The following LEPR variants were observed in gnomAD, a reference collection of about 807,000 sequenced individuals.
LEPR encodes the protein OB receptor.
A neutral mutation model predicts 114.7 loss-of-function variants in LEPR; 56 were observed. The observed-to-expected ratio is 0.49, with a 90% CI of 0.39 to 0.61. The LOEUF (loss-of-function observed/expected upper bound fraction) is 0.61, where lower values mean the gene tolerates loss of function less well. LEPR is among the 20% of genes least tolerant of loss of function. The pLI is 0.00. For missense variants in LEPR, 1,202 were observed against 1,352.9 expected (o/e 0.89, Z 1.75); for synonymous variants, 443 against 461.4 (o/e 0.96, Z 0.51).
chr1:65,602,698 T>C (rs199810729), intron 10 of LEPR, among the ~76,000 whole-genome samples: 2 of 152,124 alleles, frequency 1.3e-5, no homozygotes, highest in East Asian at 1.9e-4. Context: ...TTTCAATTTG[T>C]ATAACATGCT....
At chr1:65,626,226 T>G (rs1658208525) in intron 19 of LEPR, 1 of 1,534,130 alleles carries the variant, frequency 6.5e-7, no homozygotes, top group Non-Finnish European at 8.8e-7. Context: ...CCCTGAGGTG[T>G]GCACAATGCT....
chr1:65,618,117 C>T lies in LEPR; in HGVS notation c.2366C>T (p.Ser789Phe), dbSNP rs771996587. Residue 789 changes from serine to phenylalanine, a missense_variant, in exon 16 of 20, where the codon TCT becomes TTT. Coordinates refer to ENST00000349533, the MANE Select transcript of LEPR (RefSeq NM_002303.6). ...EDGEIKWLRI[S>F]SSVKKYYIHD... ...GGTGAAATAAAATGGCTTAGAATCT[C>T]TTCATCTGTTAAGAAGTATTATATC... 1.9e-6 allele frequency: 3 copies of T among 1,609,538 alleles called. No individual in the cohort carries two copies. The highest frequency in any genetic ancestry group is 2.7e-5 in the African/African-American group (2 of 74,774).
chr1:65,433,251 T>G, intron 2 of LEPR: 1 of 985,256 alleles, frequency 1.0e-6, no homozygotes, highest in Non-Finnish European at 1.2e-6. Context: ...ATAGGAGCCA[T>G]GTAAGCACGC....
Position 65,601,475 on chromosome 1 carries a change from A to G in LEPR, c.1078A>G (p.Ile360Val). Residue 360 changes from isoleucine to valine, a missense_variant, in exon 9 of 20, where the codon ATT becomes GTT. By Grantham distance (29) the Ile-to-Val change is conservative. Transcript: ENST00000349533. ...FHCIYKKENK[I>V]VPSKEIVWWM... ...CTGCATCTATAAGAAGGAAAACAAG[A>G]TTGTTCCCTCAAAAGAGATTGTTTG... 3 of 1,613,756 alleles carry G rather than the reference A, an allele frequency of 1.9e-6. No homozygotes were observed. The highest frequency in any genetic ancestry group is 2.5e-6 in the Non-Finnish European group (3 of 1,179,712).
chr1:65,430,028 A>T, intron 2 of LEPR: 1 of 1,558,262 alleles, frequency 6.4e-7, no homozygotes, highest in Non-Finnish European at 8.8e-7. Flanking sequence ...ATTTCCTGTT[A>T]TTCTTGCTCG....
intron 6 of LEPR, 124 bp downstream of exon 6, chr1:65,592,989 TGTA>T (rs1655812206): frequency 6.6e-6 from 7 of 1,061,412 alleles, no homozygotes; most frequent in Non-Finnish European, 9.7e-6. Context: ...TGATGGTAGA[TGTA>T]GTACTGGGGG....
At chr1:65,628,445 G>A (rs905508855) in intron 19 of LEPR, among the ~76,000 whole-genome samples, 1 of 152,170 alleles carries the variant, frequency 6.6e-6, no homozygotes, top group African/African-American at 2.4e-5. Context: ...CAAGAATGCT[G>A]TAGCCTGTGT....
intron 2 of LEPR, among the ~76,000 whole-genome samples, chr1:65,520,648 A>G (rs1159845861): frequency 2.7e-5 from 4 of 146,998 alleles, no homozygotes; most frequent in Non-Finnish European, 1.5e-5. Flanking sequence ...ACACAGAAAT[A>G]TTGCATGTGG....
At position 65,572,448 on chromosome 1, in the gene LEPR, C is replaced by T. The variant is rs1483417812; in HGVS notation, c.493C>T (p.Leu165=). ...YNYKVHLLYV[L]PEVLEDSPLV... is the part of the protein sequence containing the mutation. Reference sequence around the variant, plus strand: ...CTATAAGGTCCATCTTTTATATGTTCTGTAAGTACCAAATAATTAATTTGG... The same window carrying T: ...CTATAAGGTCCATCTTTTATATGTTTTGTAAGTACCAAATAATTAATTTGG... The change falls in exon 5 of 20, where the codon CTG becomes TTG. Residue 165 remains leucine (L), a splice_region_variant and synonymous_variant. Transcript: ENST00000349533. The T allele has an allele frequency of 1.9e-6, 3 of 1,589,878 alleles. No individual in the cohort carries two copies. The highest frequency in any genetic ancestry group is 2.6e-6 in the Non-Finnish European group (3 of 1,162,912).
chr1:65,444,594 G>C (rs59585491), intron 2 of LEPR, among the ~76,000 whole-genome samples: 17,133 of 136,528 alleles, frequency 0.13, 991 homozygotes, highest in South Asian at 0.23. Flanking sequence ...GCGGGGGGTG[G>C]GGTGGGGAGG....
chr1:65,503,913 C>T (rs996481795), intron 2 of LEPR, among the ~76,000 whole-genome samples: 3 of 151,610 alleles, frequency 2.0e-5, no homozygotes, highest in African/African-American at 7.3e-5. Context: ...ACTATTTGTT[C>T]CAATAAAAGG....
intron 19 of LEPR, chr1:65,626,285 C>T: frequency 1.0e-5 from 13 of 1,293,046 alleles, no homozygotes; most frequent in Non-Finnish European, 1.2e-5. Context: ...TGAAATATTG[C>T]CACATTTTTT....
At position 65,638,311 on chromosome 1, in the gene LEPR, A is replaced by G. The variant is rs1285632261; in HGVS notation, c.*1296A>G. On this transcript the variant is annotated 3_prime_UTR_variant, in exon 20 of 20. Coordinates refer to ENST00000349533, the MANE Select transcript of LEPR (RefSeq NM_002303.6). The stretch of plus-strand genomic sequence containing the variant: ...CACAGATCTCATGTTTGCCTTTAAC[A>G]ACTTAAGATTAATACATAAGTTTAT... 2 of 152,226 alleles carry G rather than the reference A, an allele frequency of 1.3e-5. No individual in the cohort carries two copies. Among genetic ancestry groups the G allele is most frequent in the Non-Finnish European group, 2.9e-5 (2 of 68,034 alleles). The allele number at this position is 152,226 out of a possible 1,614,324, so 9.4% of individuals were successfully genotyped here.
At position 65,616,206 on chromosome 1, in the gene LEPR, T is replaced by A; in HGVS notation, c.2194T>A (p.Ser732Thr). The change falls in exon 15 of 20, where the codon TCA becomes ACA. Residue 732 changes from serine to threonine, a missense_variant. Ser to Thr is a moderately conservative substitution (Grantham distance 58). Coordinates refer to ENST00000349533, the MANE Select transcript of LEPR (RefSeq NM_002303.6). ...TGTTGCAAATTTTAATTTAACCTTT[T>A]CATGGCCTATGAGCAAAGGTAAGAA... ...ASVANFNLTF[S>T]WPMSKVNIVQ... The A allele has an allele frequency of 6.2e-7, 1 of 1,614,014 alleles. No homozygotes were observed. The highest frequency in any genetic ancestry group is 8.5e-7 in the Non-Finnish European group (1 of 1,179,934).
At chr1:65,502,120 G>A (rs546713538) in intron 2 of LEPR, among the ~76,000 whole-genome samples, 4 of 152,192 alleles carry the variant, frequency 2.6e-5, no homozygotes, top group African/African-American at 9.6e-5. Context: ...AAACCCCAAC[G>A]CCCAGTACAT....
intron 5 of LEPR, among the ~76,000 whole-genome samples, chr1:65,591,465 G>A (rs774963765): frequency 6.6e-6 from 1 of 151,950 alleles, no homozygotes; most frequent in Non-Finnish European, 1.5e-5. Context: ...TCTCCTTAAG[G>A]TTCTCTCAAT....
At chr1:65,440,025 GAAAA>G (rs1646629244) in intron 2 of LEPR, among the ~76,000 whole-genome samples, 1 of 104,716 alleles carries the variant, frequency 9.5e-6, no homozygotes, top group Non-Finnish European at 2.2e-5. Context: ...AAAAAAAAAA[GAAAA>G]AGAAAATTGA....
chr1:65,636,979 G>A lies in LEPR; in HGVS notation c.3462G>A (p.Lys1154=). The A allele has an allele frequency of 6.2e-7, 1 of 1,613,552 alleles. No homozygotes were observed. The highest frequency in any genetic ancestry group is 8.5e-7 in the Non-Finnish European group (1 of 1,179,882). The change falls in exon 20 of 20, where the codon AAG becomes AAA. Residue 1154 remains lysine (K), a synonymous_variant. Transcript: ENST00000349533. The stretch of plus-strand genomic sequence containing the variant: ...AAACTTGTTCTACTCAGACTCATAA[G>A]ATCATGGAAAACAAGATGTGTGACC... ...QFQTCSTQTH[K]IMENKMCDLT...
At chr1:65,442,679 G>T (rs1236742700) in intron 2 of LEPR, among the ~76,000 whole-genome samples, 4 of 151,968 alleles carry the variant, frequency 2.6e-5, no homozygotes, top group Non-Finnish European at 5.9e-5. Flanking sequence ...AAGTTTATTT[G>T]GTTTTATACT....
Sources: allele counts gnomAD v4.1 joint callset (sites outside exome capture counted in the v4.1 genomes callset), GRCh38; gene constraint gnomAD v4.1.1; transcripts MANE v1.5; gene names NCBI Gene and HGNC (gene_info 2026-07-23, HGNC 2026-07-21).